Variants in UNC80 observed in about 807,000 individuals in gnomAD.
UNC80 encodes the protein unc-80 subunit of NALCN channel complex, also known as protein unc-80 homolog.
UNC80 carries 164 observed loss-of-function variants against 384.6 expected under a neutral mutation model. The observed-to-expected ratio is 0.43, with a 90% CI of 0.38 to 0.49. The LOEUF (loss-of-function observed/expected upper bound fraction) is 0.49, where lower values mean the gene tolerates loss of function less well. Among genes scored for constraint, UNC80 ranks in the 20% least tolerant of loss-of-function variants. The pLI is 0.00. For synonymous variants in UNC80, 1,486 were observed against 1,527.8 expected (o/e 0.97, Z 0.64); for missense variants, 3,330 against 4,143.0 (o/e 0.80, Z 5.39).
intron 41 of UNC80, among the ~76,000 whole-genome samples, chr2:209,937,172 T>G (rs557119504): frequency 6.6e-6 from 1 of 152,224 alleles, no homozygotes; most frequent in Non-Finnish European, 1.5e-5. Context: ...GCAGTTGTAA[T>G]AGTTAAATGA....
intron 24 of UNC80, among the ~76,000 whole-genome samples, chr2:209,878,754 G>A (rs2085004914): frequency 6.6e-6 from 1 of 152,134 alleles, no homozygotes; most frequent in African/African-American, 2.4e-5. Flanking sequence ...TTGTGTATAT[G>A]TACCACTGCC....
At chr2:209,971,091 T>C (rs899207254) in intron 54 of UNC80, 134 bp downstream of exon 54, 14 of 1,251,814 alleles carry the variant, frequency 1.1e-5, no homozygotes, top group Non-Finnish European at 1.4e-5. Flanking sequence ...TAAACTTTTA[T>C]AGATTTGGAG....
intron 25 of UNC80, 142 bp from the exon 26 acceptor site, chr2:209,887,953 C>A: frequency 1.5e-6 from 1 of 658,800 alleles, no homozygotes; most frequent in Non-Finnish European, 2.5e-6. Flanking sequence ...TGCATGGTCA[C>A]AATCTAAAAT....
chr2:209,804,036 C>T (rs2078728278), intron 7 of UNC80, among the ~76,000 whole-genome samples: 1 of 152,122 alleles, frequency 6.6e-6, no homozygotes, highest in Non-Finnish European at 1.5e-5. Flanking sequence ...CATTCCCAGC[C>T]TTTATTTAGA....
At chr2:209,786,609 A>G (rs1222157396) in intron 5 of UNC80, among the ~76,000 whole-genome samples, 1 of 152,138 alleles carries the variant, frequency 6.6e-6, no homozygotes, top group Non-Finnish European at 1.5e-5. Context: ...AAATCATCTT[A>G]GTGTTGTATT....
rs748439735 is a variant in UNC80, at chr2:209,834,863, A to G, written c.2943-49A>G. 1.1e-4 allele frequency: 154 copies of G among 1,452,376 alleles called. No individual in the cohort carries two copies. The African/African-American group carries it at 2.0e-3, about 19-fold the overall frequency. The allele number at this position is 1,452,376 out of a possible 1,614,324, so 90.0% of individuals were successfully genotyped here. ...TTTATGAAGTGTATGAAGTATTAAGACTTGCTATCCTGCTCTGCTGTAATT... is the reference window on the plus strand; with the variant it reads ...TTTATGAAGTGTATGAAGTATTAAGGCTTGCTATCCTGCTCTGCTGTAATT... On this transcript the variant is annotated intron_variant, in intron 17 of 64. Coordinates refer to ENST00000673920, the MANE Select transcript of UNC80 (RefSeq NM_001371986.1).
intron 15 of UNC80, 29 bp from the exon 16 acceptor site, chr2:209,831,414 T>A: frequency 6.5e-7 from 1 of 1,532,676 alleles, no homozygotes; most frequent in Non-Finnish European, 8.8e-7. Flanking sequence ...AAGGAAACAT[T>A]GTCTTTAATT....
intron 22 of UNC80, among the ~76,000 whole-genome samples, chr2:209,863,860 T>C (rs2124866624): frequency 6.6e-6 from 1 of 152,114 alleles, no homozygotes; most frequent in South Asian, 2.1e-4. Context: ...GTGATCTCGG[T>C]CCAGTTCTGT....
rs931490173 is a variant in UNC80 at position 209,829,517 on chromosome 2, TGTATAGA to T, written c.2626+144_2626+150del. ...GTGTCCATGCATGTGTGTGGGTGTG[TGTATAGA>T]GTATAAACAAGAAAAGCTTGCACAT... On this transcript the variant is annotated intron_variant, in intron 15 of 64. Coordinates refer to ENST00000673920, the MANE Select transcript of UNC80 (RefSeq NM_001371986.1). 34 of 878,550 alleles carry T rather than the reference TGTATAGA, an allele frequency of 3.9e-5. No individual in the cohort carries two copies. The African/African-American group carries it at 4.4e-4, about 11-fold the overall frequency. 54.4% of individuals were successfully genotyped at this position (878,550 alleles called of 1,614,324 possible).
chr2:209,917,590 C>T (rs769097861), intron 31 of UNC80, among the ~76,000 whole-genome samples, 187 bp from the exon 32 acceptor site: 1 of 152,122 alleles, frequency 6.6e-6, no homozygotes, highest in Non-Finnish European at 1.5e-5. Flanking sequence ...TTGTTGCTGC[C>T]CTCGCACCAG....
chr2:209,802,924 G>C (rs1325542129), intron 7 of UNC80, among the ~76,000 whole-genome samples: 2 of 152,122 alleles, frequency 1.3e-5, no homozygotes, highest in South Asian at 2.1e-4. Context: ...ATATTGGCTG[G>C]TGACTGGTCT....
chr2:209,838,656 AT>A, intron 18 of UNC80, among the ~76,000 whole-genome samples: 1 of 151,988 alleles, frequency 6.6e-6, no homozygotes, highest in East Asian at 1.9e-4. Context: ...AGCCTTAGGG[AT>A]CTTTAATAAA....
At chr2:209,904,461 A>G (rs1339898730) in intron 28 of UNC80, among the ~76,000 whole-genome samples, 2 of 152,372 alleles carry the variant, frequency 1.3e-5, no homozygotes, top group East Asian at 3.9e-4. Context: ...TTTTAAGTTC[A>G]GAATCTCCAT....
intron 16 of UNC80, among the ~76,000 whole-genome samples, chr2:209,832,377 T>G (rs2081036729): frequency 6.6e-6 from 1 of 152,054 alleles, no homozygotes; most frequent in Non-Finnish European, 1.5e-5. Flanking sequence ...AAATGTAGAT[T>G]AAGGCTGAAA....
chr2:209,945,735 A>G, intron 46 of UNC80, 112 bp from the exon 47 acceptor site: 2 of 639,950 alleles, frequency 3.1e-6, no homozygotes, highest in Non-Finnish European at 5.2e-6. Flanking sequence ...ATAAAATTTA[A>G]CAAGAAAAGG....
At chr2:209,794,676 G>T in intron 7 of UNC80, 1 of 350,556 alleles carries the variant, frequency 2.9e-6, no homozygotes, top group South Asian at 2.1e-5. Context: ...TTGAATCATG[G>T]GGGCCAGTCT....
chr2:209,918,191 T>A (rs2089716704), intron 32 of UNC80, among the ~76,000 whole-genome samples: 1 of 152,208 alleles, frequency 6.6e-6, no homozygotes, highest in Admixed American at 6.5e-5. Context: ...CTCACCAGCA[T>A]TCCCAGAGGT....
chr2:209,915,803 T>A (rs1181151759), intron 31 of UNC80, among the ~76,000 whole-genome samples: 4 of 152,186 alleles, frequency 2.6e-5, no homozygotes, highest in African/African-American at 9.7e-5. Flanking sequence ...TAAGTCCTAA[T>A]GTTCAAAAGC....
intron 22 of UNC80, among the ~76,000 whole-genome samples, chr2:209,863,996 C>A (rs1261279124): frequency 1.3e-5 from 2 of 151,924 alleles, no homozygotes; most frequent in Non-Finnish European, 2.9e-5. Flanking sequence ...TTTGAGGCTG[C>A]TGACCCTTGG....
Sources: gnomAD v4.1 joint callset for allele counts (sites outside exome capture counted in the v4.1 genomes callset) on GRCh38, gnomAD v4.1.1 for gene constraint, MANE v1.5 for transcripts, NCBI Gene and HGNC (gene_info 2026-07-23, HGNC 2026-07-21) for gene names.